UBE2U: variants seen among roughly 807,000 people sequenced by gnomAD.
The protein encoded by UBE2U is ubiquitin-conjugating enzyme E2 U.
UBE2U carries 39 observed loss-of-function variants against 41.2 expected under a neutral mutation model. That is an observed-to-expected ratio of 0.95 (90% confidence interval 0.73 to 1.24). The LOEUF (loss-of-function observed/expected upper bound fraction) is 1.24, where lower values mean the gene tolerates loss of function less well. UBE2U is among the 50% of genes most tolerant of loss of function. The pLI, the probability that UBE2U is intolerant of heterozygous loss-of-function variation, is 0.00. For missense variants in UBE2U, 336 were observed against 363.1 expected (o/e 0.93, Z 0.61); for synonymous variants, 107 against 117.8 (o/e 0.91, Z 0.60).
At chr1:64,254,385 G>GAATTCAGCTCTGGGTCAGGTGGACCT (rs1553171020) in intron 8 of UBE2U, among the ~76,000 whole-genome samples, 2 of 152,072 alleles carry the variant, frequency 1.3e-5, no homozygotes, top group East Asian at 3.9e-4. Context: ...TTCAATACCT[G>GAATTCAGCTCTGGGTCAGGTGGACCT]AATTCAGCTC....
At chr1:64,230,778 G>T (rs1308021465) in intron 6 of UBE2U, among the ~76,000 whole-genome samples, 1 of 152,102 alleles carries the variant, frequency 6.6e-6, no homozygotes, top group Non-Finnish European at 1.5e-5. Flanking sequence ...ATATAAAGCT[G>T]TTCAATTCAC....
At chr1:64,256,894 C>G (rs1209759988) in intron 8 of UBE2U, among the ~76,000 whole-genome samples, 1 of 142,150 alleles carries the variant, frequency 7.0e-6, no homozygotes, top group Non-Finnish European at 1.5e-5. Flanking sequence ...CTACAAGGGA[C>G]TTAAACAAAT....
intron 7 of UBE2U, among the ~76,000 whole-genome samples, chr1:64,235,483 T>C (rs549743991): frequency 3.3e-5 from 5 of 152,306 alleles, no homozygotes; most frequent in African/African-American, 1.2e-4. Context: ...AACACTATCT[T>C]TTTTTAATGG....
intron 5 of UBE2U, among the ~76,000 whole-genome samples, chr1:64,215,856 CT>C (rs66592576): frequency 0.21 from 31,329 of 152,088 alleles, 4,371 homozygotes; most frequent in African/African-American, 0.4. Flanking sequence ...TAGAGCACTG[CT>C]TCTGGCTTCT....
chr1:64,219,968 T>A (rs1462557141), intron 5 of UBE2U, among the ~76,000 whole-genome samples: 3 of 152,228 alleles, frequency 2.0e-5, no homozygotes, highest in Non-Finnish European at 4.4e-5. Flanking sequence ...TTCTGGAAGA[T>A]TTTGAGAAAA....
intron 6 of UBE2U, among the ~76,000 whole-genome samples, chr1:64,222,559 T>C (rs1652564029): frequency 6.6e-6 from 1 of 152,208 alleles, no homozygotes; most frequent in Non-Finnish European, 1.5e-5. Flanking sequence ...GTAATACTTA[T>C]TTGAGGCAAT....
chr1:64,236,040 C>T (rs543697311), intron 7 of UBE2U, among the ~76,000 whole-genome samples: 2 of 152,216 alleles, frequency 1.3e-5, no homozygotes, highest in Admixed American at 1.3e-4. Context: ...ATCCTGGAGT[C>T]AGATTTACCA....
chr1:64,218,949 T>A (rs1225702561), intron 5 of UBE2U, among the ~76,000 whole-genome samples: 1 of 152,198 alleles, frequency 6.6e-6, no homozygotes, highest in Admixed American at 6.5e-5. Flanking sequence ...TGGCACTCTA[T>A]CCTTCCTCTC....
intron 5 of UBE2U, among the ~76,000 whole-genome samples, chr1:64,217,337 T>C: frequency 6.6e-6 from 1 of 152,180 alleles, no homozygotes; most frequent in East Asian, 1.9e-4. Context: ...TTCAACTAGT[T>C]TATGAAAACT....
At chr1:64,224,935 TCACACACACACACA>T (rs34259884) in intron 6 of UBE2U, among the ~76,000 whole-genome samples, 3 of 146,932 alleles carry the variant, frequency 2.0e-5, no homozygotes, top group South Asian at 2.2e-4. Flanking sequence ...TAGGATATTA[TCACACACACACACA>T]CACACACACA....
At chr1:64,224,934 A>AACACAC (rs1652761143) in intron 6 of UBE2U, among the ~76,000 whole-genome samples, 1 of 117,206 alleles carries the variant, frequency 8.5e-6, no homozygotes, top group African/African-American at 4.6e-5. Flanking sequence ...ATAGGATATT[A>AACACAC]TCACACACAC....
At chr1:64,223,135 G>A (rs1477984539) in intron 6 of UBE2U, among the ~76,000 whole-genome samples, 3 of 152,172 alleles carry the variant, frequency 2.0e-5, no homozygotes, top group Non-Finnish European at 4.4e-5. Context: ...AGCATATGTT[G>A]TATACCAGGC....
intron 3 of UBE2U, among the ~76,000 whole-genome samples, chr1:64,207,895 T>C (rs1306545428): frequency 6.6e-6 from 1 of 152,120 alleles, no homozygotes; most frequent in East Asian, 1.9e-4. Flanking sequence ...AGGGAAAATA[T>C]TTGCAATGCA....
chr1:64,251,285 A>G (rs886419878), intron 8 of UBE2U, among the ~76,000 whole-genome samples: 2 of 151,858 alleles, frequency 1.3e-5, no homozygotes, highest in Non-Finnish European at 2.9e-5. Flanking sequence ...AGGATTAATT[A>G]TGATAAATAA....
intron 8 of UBE2U, among the ~76,000 whole-genome samples, chr1:64,259,890 C>T (rs1036969862): frequency 6.6e-6 from 1 of 151,894 alleles, no homozygotes; most frequent in Non-Finnish European, 1.5e-5. Context: ...AAACAAACAC[C>T]TGTCCCCCCA....
chr1:64,236,757 C>T (rs748147632), intron 7 of UBE2U, among the ~76,000 whole-genome samples: 9 of 152,078 alleles, frequency 5.9e-5, no homozygotes, highest in African/African-American at 1.7e-4. Context: ...TTCTTTGAGT[C>T]GTTAAGCCAG....
At chr1:64,252,618 A>T (rs1645029670) in intron 8 of UBE2U, among the ~76,000 whole-genome samples, 2 of 152,182 alleles carry the variant, frequency 1.3e-5, no homozygotes, top group South Asian at 4.1e-4. Context: ...AAGCAGAGGC[A>T]ACTAGGTTCT....
chr1:64,204,077 G>A lies in UBE2U; in HGVS notation c.27G>A (p.Leu9=). The A allele has an allele frequency of 2.5e-6, 4 of 1,613,798 alleles. No homozygotes were observed. Among genetic ancestry groups the A allele is most frequent in the Non-Finnish European group, 2.5e-6 (3 of 1,179,818 alleles). The change falls in exon 1 of 10, where the codon CTG becomes CTA. Residue 9 remains leucine, a synonymous_variant. Transcript: ENST00000371077. ...TGCACGGCAGAGCTTACCTCTTGCTGCACAGAGACTTCTGTGATCTCAAGG... is the reference window on the plus strand; with the variant it reads ...TGCACGGCAGAGCTTACCTCTTGCTACACAGAGACTTCTGTGATCTCAAGG... MHGRAYLL[L]HRDFCDLKEN... is the part of the protein sequence containing the mutation.
Position 64,214,797 on chromosome 1 carries a change from G to T in UBE2U, c.340-18G>T. On this transcript the variant is annotated intron_variant, in intron 4 of 9. Coordinates refer to ENST00000371077, the MANE Select transcript of UBE2U (RefSeq NM_001366232.2). The stretch of plus-strand genomic sequence containing the variant: ...AAGTTTACTTCTGAAATTATATGTT[G>T]TCTGTGTTTTCCTATAGGTTATGCT... 1 of 1,601,020 alleles carries T rather than the reference G, an allele frequency of 6.2e-7. No individual in the cohort carries two copies. Among genetic ancestry groups the T allele is most frequent in the Non-Finnish European group, 8.6e-7 (1 of 1,168,970 alleles).
Sources: allele counts gnomAD v4.1 joint callset (sites outside exome capture counted in the v4.1 genomes callset), GRCh38; gene constraint gnomAD v4.1.1; transcripts MANE v1.5; gene names NCBI Gene and HGNC (gene_info 2026-07-23, HGNC 2026-07-21).